Variants in SUGCT observed in about 807,000 individuals in gnomAD.
SUGCT encodes the protein succinyl-CoA:glutarate CoA-transferase.
Under a neutral mutation model 55.0 loss-of-function variants are expected in SUGCT, and 41 were observed. The observed-to-expected ratio is 0.74, with a 90% CI of 0.58 to 0.97. The LOEUF (loss-of-function observed/expected upper bound fraction) is 0.97. SUGCT is among the 50% of genes least tolerant of loss of function. The pLI, the probability that SUGCT is intolerant of heterozygous loss-of-function variation, is 0.00. For synonymous variants in SUGCT, 187 were observed against 200.4 expected, an observed-to-expected ratio of 0.93 and a Z score of 0.56; for missense variants, 568 against 547.8, an observed-to-expected ratio of 1.04 and a Z score of -0.37.
At chr7:40,915,045 G>C in the SUGCT span, among the ~76,000 whole-genome samples, 1 of 152,130 alleles carries the variant, frequency 6.6e-6, no homozygotes, top group African/African-American at 2.4e-5. Flanking sequence ...GATAGGGATC[G>C]TATCAGAAAA....
At chr7:40,350,465 C>T (rs865921005) in intron 9 of SUGCT, among the ~76,000 whole-genome samples, 35 of 151,378 alleles carry the variant, frequency 2.3e-4, no homozygotes, top group South Asian at 8.3e-4. Flanking sequence ...AGGTGACCAC[C>T]GCCACACCTG....
chr7:40,980,908 G>C, the SUGCT span, among the ~76,000 whole-genome samples: 3 of 152,160 alleles, frequency 2.0e-5, no homozygotes, highest in Non-Finnish European at 4.4e-5. Context: ...ATGTTGCTCA[G>C]GCTGGTCTCA....
chr7:40,555,650 G>A (rs1795521697), intron 12 of SUGCT, among the ~76,000 whole-genome samples: 2 of 152,162 alleles, frequency 1.3e-5, no homozygotes, highest in African/African-American at 4.8e-5. Context: ...TAGGTCTTGT[G>A]TGGAGCCTGA....
chr7:40,507,994 A>C (rs957303446), intron 12 of SUGCT, among the ~76,000 whole-genome samples: 1 of 152,170 alleles, frequency 6.6e-6, no homozygotes, highest in Non-Finnish European at 1.5e-5. Context: ...GTTTTCAACA[A>C]TGCCCTTAGA....
At chr7:40,514,077 A>C (rs1793097622) in intron 12 of SUGCT, among the ~76,000 whole-genome samples, 1 of 151,822 alleles carries the variant, frequency 6.6e-6, no homozygotes, top group Non-Finnish European at 1.5e-5. Flanking sequence ...GGTGTGAGTC[A>C]CCGTGCCCGG....
intron 11 of SUGCT, among the ~76,000 whole-genome samples, chr7:40,488,216 T>G (rs551741485): frequency 4.6e-5 from 7 of 152,214 alleles, no homozygotes; most frequent in African/African-American, 1.7e-4. Context: ...TTTTTTACTT[T>G]TTGTGTATTT....
intron 13 of SUGCT, among the ~76,000 whole-genome samples, chr7:40,840,736 TAGG>T (rs1793233784): frequency 6.6e-6 from 1 of 151,964 alleles, no homozygotes; most frequent in Admixed American, 6.6e-5. Flanking sequence ...AAATTGAAAA[TAGG>T]AGAATAGAAT....
At chr7:40,761,527 A>G (rs1412478729) in intron 13 of SUGCT, among the ~76,000 whole-genome samples, 1 of 152,208 alleles carries the variant, frequency 6.6e-6, no homozygotes, top group Non-Finnish European at 1.5e-5. Flanking sequence ...CCTTTTGTCA[A>G]ACAACTTTGG....
At chr7:41,026,803 G>GCAGGTAGATCATGAGGT in the SUGCT span, among the ~76,000 whole-genome samples, 1 of 152,138 alleles carries the variant, frequency 6.6e-6, no homozygotes, top group Admixed American at 6.5e-5. Context: ...GGAGGCCGAG[G>GCAGGTAGATCATGAGGT]CAGGTAGATC....
At chr7:40,275,269 C>T (rs1226972673) in intron 8 of SUGCT, among the ~76,000 whole-genome samples, 1 of 152,148 alleles carries the variant, frequency 6.6e-6, no homozygotes, top group African/African-American at 2.4e-5. Flanking sequence ...CTTACTTTGA[C>T]TTGTTTCTTC....
intron 8 of SUGCT, among the ~76,000 whole-genome samples, chr7:40,315,884 G>T (rs911657889): frequency 2.0e-5 from 3 of 152,102 alleles, no homozygotes; most frequent in African/African-American, 7.2e-5. Flanking sequence ...TAGTTCTGTG[G>T]TGGTGGAGCC....
chr7:40,935,681 A>G, the SUGCT span, among the ~76,000 whole-genome samples: 3 of 152,346 alleles, frequency 2.0e-5, no homozygotes, highest in South Asian at 4.1e-4. Context: ...ATAATTAACT[A>G]TTATGAATAA....
intron 12 of SUGCT, among the ~76,000 whole-genome samples, chr7:40,531,761 C>T (rs1409285494): frequency 6.6e-6 from 1 of 152,096 alleles, no homozygotes; most frequent in Non-Finnish European, 1.5e-5. Context: ...GTAAGCTCCG[C>T]TTCCCGGGTT....
rs59033010 is a variant in SUGCT at position 40,663,485 on chromosome 7, ATGTGTGTGTG to A, written c.1090-85921_1090-85912del. Among the ~76,000 whole-genome samples, 435 of 135,058 alleles carry A rather than the reference ATGTGTGTGTG, an allele frequency of 3.2e-3. 1 individual carries two copies. The highest frequency in any genetic ancestry group is 7.4e-3 in the Middle Eastern group (2 of 272). 88.6% of individuals were successfully genotyped at this position (135,058 alleles called of 152,430 possible). ...TATTCACCAAATTACTTTGTGGTGT[ATGTGTGTGTG>A]TGTGTGTGTGTGTGTGTGTGTGTGT... On this transcript the variant is annotated intron_variant, in intron 12 of 13. Transcript: ENST00000335693.
intron 9 of SUGCT, among the ~76,000 whole-genome samples, chr7:40,446,948 G>A (rs1453834445): frequency 6.6e-6 from 1 of 152,126 alleles, no homozygotes; most frequent in Non-Finnish European, 1.5e-5. Flanking sequence ...GTTAATAACA[G>A]GTTTATTGGA....
intron 6 of SUGCT, among the ~76,000 whole-genome samples, chr7:40,210,923 C>T (rs1005583969): frequency 1.3e-5 from 2 of 151,984 alleles, no homozygotes; most frequent in Admixed American, 6.6e-5. Flanking sequence ...GGTTGCTTTA[C>T]GAGGAAGTTT....
chr7:40,200,121 C>G (rs1175565148), intron 6 of SUGCT, among the ~76,000 whole-genome samples: 1 of 152,084 alleles, frequency 6.6e-6, no homozygotes, highest in African/African-American at 2.4e-5. Flanking sequence ...ATAAAAGATT[C>G]AGAAATGCCC....
intron 12 of SUGCT, among the ~76,000 whole-genome samples, chr7:40,686,063 A>C (rs753540577): frequency 6.6e-6 from 1 of 152,172 alleles, no homozygotes; most frequent in Non-Finnish European, 1.5e-5. Context: ...TGAATGAAAG[A>C]GCATCCTGTT....
chr7:40,584,508 A>G (rs1315978687), intron 12 of SUGCT, among the ~76,000 whole-genome samples: 1 of 152,212 alleles, frequency 6.6e-6, no homozygotes, highest in Non-Finnish European at 1.5e-5. Context: ...GCAGTGTTTT[A>G]GGGGAAAAGA....
Sources: allele counts gnomAD v4.1 joint callset (sites outside exome capture counted in the v4.1 genomes callset), GRCh38; gene constraint gnomAD v4.1.1; transcripts MANE v1.5; gene names NCBI Gene and HGNC (gene_info 2026-07-23, HGNC 2026-07-21).